The following OTOGL variants were observed in gnomAD, a reference collection of about 807,000 sequenced individuals.
OTOGL encodes the protein otogelin-like protein.
A neutral mutation model predicts 318.5 loss-of-function variants in OTOGL; 285 were observed. That is an observed-to-expected ratio of 0.89 (90% confidence interval 0.81 to 0.99). The LOEUF is 0.99. OTOGL is among the 50% of genes least tolerant of loss of function. The pLI is 0.00. For missense variants in OTOGL, 2,899 were observed against 2,845.6 expected, an observed-to-expected ratio of 1.02 and a Z score of -0.43; for synonymous variants, 987 against 936.5, an observed-to-expected ratio of 1.05 and a Z score of -0.99.
At position 80,256,353 on chromosome 12, in the gene OTOGL, G is replaced by A; in HGVS notation, c.1604G>A (p.Cys535Tyr). 1 of 1,595,742 alleles carries A rather than the reference G, an allele frequency of 6.3e-7. No individual in the cohort carries two copies. Among genetic ancestry groups the A allele is most frequent in the Admixed American group, 1.7e-5 (1 of 59,706 alleles). Reference sequence around the variant, plus strand: ...TTTACGCAGAATCTTGGCTTGGTCTGCCTTCAGTCTATAACTCTGATTCTG... The same window carrying A: ...TTTACGCAGAATCTTGGCTTGGTCTACCTTCAGTCTATAACTCTGATTCTG... ...APCEQNLGLV[C>Y]LQSITLILED... Residue 535 changes from cysteine (C) to tyrosine (Y), a missense_variant, in exon 17 of 59, where the codon TGC (cysteine) becomes TAC (tyrosine). By Grantham distance (194) the Cys-to-Tyr change is radical (BLOSUM62 -2). Transcript: ENST00000547103.
intron 8 of OTOGL, among the ~76,000 whole-genome samples, chr12:80,232,394 A>G (rs1486444944): frequency 3.9e-5 from 6 of 152,210 alleles, no homozygotes; most frequent in Admixed American, 3.9e-4. Context: ...ATATTTCCTT[A>G]TAGCCACGTT....
At chr12:80,219,790 C>CTTT (rs71717494) in intron 5 of OTOGL, 24 bp from the exon 6 acceptor site, 67 of 1,201,748 alleles carry the variant, frequency 5.6e-5, no homozygotes, top group African/African-American at 2.8e-4. Context: ...CAGAAGATAA[C>CTTT]TTTTTTTTTT....
chr12:80,315,677 G>T (rs1396138588), intron 32 of OTOGL, among the ~76,000 whole-genome samples: 1 of 152,138 alleles, frequency 6.6e-6, no homozygotes, highest in Non-Finnish European at 1.5e-5. Flanking sequence ...GGAGAAATTT[G>T]TCAGCTAGAT....
intron 1 of OTOGL, among the ~76,000 whole-genome samples, chr12:80,164,845 A>G (rs1873738181): frequency 6.6e-6 from 1 of 152,146 alleles, no homozygotes; most frequent in South Asian, 2.1e-4. Flanking sequence ...TTATAAAGAA[A>G]AGAGGTTTAA....
At chr12:80,372,728 GC>G (rs1890955545) in intron 57 of OTOGL, among the ~76,000 whole-genome samples, 1 of 149,770 alleles carries the variant, frequency 6.7e-6, no homozygotes. Context: ...TTGCTCTATT[GC>G]CCAGGCCGGG....
chr12:80,194,053 C>A (rs1875879036), intron 1 of OTOGL, among the ~76,000 whole-genome samples: 1 of 152,076 alleles, frequency 6.6e-6, no homozygotes, highest in Non-Finnish European at 1.5e-5. Flanking sequence ...CACTGATTTT[C>A]TTTTGGGAAT....
intron 22 of OTOGL, among the ~76,000 whole-genome samples, chr12:80,269,612 C>T (rs1883252456): frequency 6.6e-6 from 1 of 152,190 alleles, no homozygotes; most frequent in African/African-American, 2.4e-5. Flanking sequence ...TGTGTTTCCA[C>T]TGAGTGTTAT....
At chr12:80,349,779 C>A (rs1461674523) in intron 44 of OTOGL, among the ~76,000 whole-genome samples, 1 of 152,072 alleles carries the variant, frequency 6.6e-6, no homozygotes, top group Non-Finnish European at 1.5e-5. Flanking sequence ...TTTTTTTCTG[C>A]ATCTTCAAAA....
At chr12:80,150,455 GA>G (rs1286040676) in intron 1 of OTOGL, among the ~76,000 whole-genome samples, 1 of 152,194 alleles carries the variant, frequency 6.6e-6, no homozygotes, top group East Asian at 1.9e-4. Flanking sequence ...GATCAAAGGG[GA>G]ATGTTAAGGA....
chr12:80,331,513 T>C (rs965607413), intron 37 of OTOGL, among the ~76,000 whole-genome samples: 9 of 151,932 alleles, frequency 5.9e-5, no homozygotes, highest in African/African-American at 2.2e-4. Flanking sequence ...CTAATTTTTG[T>C]ATTTTTAGTA....
intron 50 of OTOGL, 29 bp downstream of exon 50, chr12:80,358,378 T>A: frequency 6.7e-7 from 1 of 1,490,156 alleles, no homozygotes; most frequent in Non-Finnish European, 9.2e-7. Context: ...TTCTAAAATA[T>A]TTAGATGTGT....
intron 24 of OTOGL, among the ~76,000 whole-genome samples, chr12:80,277,056 TA>T (rs1158276123): frequency 6.7e-6 from 1 of 150,244 alleles, no homozygotes; most frequent in Non-Finnish European, 1.5e-5. Flanking sequence ...AAGCAAAATG[TA>T]AAAAAAGTTT....
chr12:80,282,169 C>T (rs138175163), intron 26 of OTOGL, among the ~76,000 whole-genome samples: 79 of 151,912 alleles, frequency 5.2e-4, no homozygotes, highest in African/African-American at 1.7e-3. Flanking sequence ...AAAGAAGTCA[C>T]ACAAGAATAA....
At chr12:80,349,892 G>A (rs1235706380) in intron 44 of OTOGL, among the ~76,000 whole-genome samples, 1 of 152,168 alleles carries the variant, frequency 6.6e-6, no homozygotes, top group Non-Finnish European at 1.5e-5. Flanking sequence ...ATGAAATCTA[G>A]CTAATCAACA....
chr12:80,313,092 CA>C (rs1316268631), intron 30 of OTOGL, among the ~76,000 whole-genome samples: 5 of 151,426 alleles, frequency 3.3e-5, no homozygotes, highest in African/African-American at 1.2e-4. Flanking sequence ...TGAGCAGGGG[CA>C]AAAAAGAAAG....
rs1371849628 is a variant in OTOGL, at chr12:80,157,229, G to T, written c.-19-52184G>T. Among the ~76,000 whole-genome samples the T allele has an allele frequency of 3.3e-5, 5 of 152,150 alleles. No individual in the cohort carries two copies. In the South Asian group the frequency reaches 8.3e-4, roughly 25 times the overall value. On this transcript the variant is annotated intron_variant, in intron 1 of 58. Coordinates refer to ENST00000547103, the MANE Select transcript of OTOGL (RefSeq NM_001378609.3). ...CTTTTCATATGTCTGCTTGCCATTT[G>T]TATGTCTTCTTTTGAGAACTGTCTA...
chr12:80,271,525 G>A, intron 23 of OTOGL, 123 bp from the exon 24 acceptor site: 1 of 869,906 alleles, frequency 1.1e-6, no homozygotes, highest in Non-Finnish European at 1.7e-6. Context: ...TCTTATGGAA[G>A]GCAGCTAACA....
At chr12:80,157,539 G>A (rs1389665268) in intron 1 of OTOGL, among the ~76,000 whole-genome samples, 1 of 152,106 alleles carries the variant, frequency 6.6e-6, no homozygotes, top group African/African-American at 2.4e-5. Context: ...ATGTTTTCTT[G>A]TAGTAGTTTC....
chr12:80,244,066 G>T (rs1880630889), intron 11 of OTOGL, among the ~76,000 whole-genome samples: 1 of 151,214 alleles, frequency 6.6e-6, no homozygotes, highest in South Asian at 2.1e-4. Context: ...ACAACATTGA[G>T]CATGGAATTC....
Sources: gnomAD v4.1 joint callset for allele counts (sites outside exome capture counted in the v4.1 genomes callset) on GRCh38, gnomAD v4.1.1 for gene constraint, MANE v1.5 for transcripts, NCBI Gene and HGNC (gene_info 2026-07-23, HGNC 2026-07-21) for gene names.